Variants in ELAC2 observed in about 807,000 individuals in gnomAD.
ELAC2 encodes elaC ribonuclease Z 2.
A neutral mutation model predicts 105.2 loss-of-function variants in ELAC2; 92 were observed. The observed-to-expected ratio is 0.87, with a 90% confidence interval of 0.74 to 1.04. The LOEUF is 1.04. Ranked by LOEUF, ELAC2 falls within the 50% of genes least tolerant of loss-of-function variation. The pLI, the probability that ELAC2 is intolerant of heterozygous loss-of-function variation, is 0.00. For synonymous variants in ELAC2, 468 were observed against 409.1 expected (o/e 1.14, Z -1.74); for missense variants, 1,099 against 1,071.7 (o/e 1.03, Z -0.36).
intron 5 of ELAC2, among the ~76,000 whole-genome samples, chr17:13,013,547 C>T (rs1487343539): frequency 1.3e-5 from 2 of 152,154 alleles, no homozygotes; most frequent in African/African-American, 4.8e-5. Context: ...GAAACTAGTA[C>T]TCAACTTTCA....
chr17:13,008,518 GA>G (rs139255553), intron 8 of ELAC2, among the ~76,000 whole-genome samples: 1 of 150,620 alleles, frequency 6.6e-6, no homozygotes, highest in Non-Finnish European at 1.5e-5. Context: ...CTCAAAAAAA[GA>G]AAAAAAAAGG....
intron 1 of ELAC2, chr17:13,017,501 G>A (rs1239065395): frequency 5.3e-6 from 6 of 1,138,670 alleles, no homozygotes; most frequent in Admixed American, 5.2e-5. Context: ...TCAGACCCAG[G>A]CCTGAAGTTC....
At chr17:12,997,115 G>C (rs540508869) in intron 16 of ELAC2, among the ~76,000 whole-genome samples, 1 of 152,282 alleles carries the variant, frequency 6.6e-6, no homozygotes, top group Admixed American at 6.5e-5. Context: ...CCCTTTGCAA[G>C]TGGTCGGGGT....
At chr17:12,993,892 A>G (rs1016920984) in intron 22 of ELAC2, 61 bp from the exon 23 acceptor site, 10 of 1,611,714 alleles carry the variant, frequency 6.2e-6, no homozygotes, top group Non-Finnish European at 7.6e-6. Context: ...CAAAGCAGAC[A>G]GTGGCACAGA....
rs2041065623 is a variant in ELAC2 at position 13,005,752 on chromosome 17, CCT to C, written c.869_870del (p.Glu290AspfsTer4). On this transcript the variant is annotated frameshift_variant and splice_region_variant, in exon 10 of 24. Transcript: ENST00000338034. LOFTEE classifies it high-confidence loss of function. Reference sequence around the variant, plus strand: ...TGAATCAAGAAAACCAGGCATCTCACCTCTCTTCCTTCATGAGTGATGCTTTT... The same window carrying C: ...TGAATCAAGAAAACCAGGCATCTCACCTCTTCCTTCATGAGTGATGCTTTT... Reference protein sequence around the residue: ...DGKSITHEGREILAEELCTPP... With the variant: ...DGKSITHEGRXILAEELCTPP... The C allele has an allele frequency of 6.2e-7, 1 of 1,614,058 alleles. No homozygotes were observed. The highest frequency in any genetic ancestry group is 1.3e-5 in the African/African-American group (1 of 74,928).
intron 22 of ELAC2, among the ~76,000 whole-genome samples, 166 bp downstream of exon 22, chr17:12,994,259 A>G (rs749898730): frequency 3.3e-5 from 5 of 152,194 alleles, no homozygotes; most frequent in Non-Finnish European, 7.3e-5. Context: ...CTGCAAAAAT[A>G]AAGGCCAAGA....
Position 12,996,630 on chromosome 17 carries a change from GGCACA to G in ELAC2, c.1571_1575del (p.Leu524ProfsTer90). 6.2e-7 allele frequency: 1 copy of G among 1,614,040 alleles called. No homozygotes were observed. Among genetic ancestry groups the G allele is most frequent in the Non-Finnish European group, 8.5e-7 (1 of 1,180,026 alleles). On this transcript the variant is annotated frameshift_variant, in exon 17 of 24. Coordinates refer to ENST00000338034, the MANE Select transcript of ELAC2 (RefSeq NM_018127.7). LOFTEE classifies it high-confidence loss of function. ...CTGTCCACCTGGTCTCCGTAATGAC[GGCACA>G]GCTGCCCAAATGTGCCCTCACCACA...
intron 14 of ELAC2, 198 bp from the exon 15 acceptor site, chr17:13,000,472 G>T: frequency 1.6e-6 from 1 of 629,462 alleles, no homozygotes; most frequent in Non-Finnish European, 2.9e-6. Context: ...CTGCCTCAGG[G>T]CCAGTCAACG....
Position 13,015,843 on chromosome 17 carries a change from T to C in ELAC2, c.368-11A>G, listed in dbSNP as rs750133002. Reference sequence around the variant, plus strand: ...AAGTAAGAATCATTCCTAAAAAGGATGCATAAAATCAGATCTCTCATCAAT... The same window carrying C: ...AAGTAAGAATCATTCCTAAAAAGGACGCATAAAATCAGATCTCTCATCAAT... On this transcript the variant is annotated splice_polypyrimidine_tract_variant and intron_variant, in intron 3 of 23. Coordinates refer to ENST00000338034, the MANE Select transcript of ELAC2 (RefSeq NM_018127.7). The C allele has an allele frequency of 9.9e-6, 16 of 1,612,162 alleles. No homozygotes were observed. The highest frequency in any genetic ancestry group is 1.2e-5 in the Non-Finnish European group (14 of 1,178,412).
chr17:13,015,128 T>G (rs1374444329), intron 4 of ELAC2, among the ~76,000 whole-genome samples: 1 of 152,254 alleles, frequency 6.6e-6, no homozygotes, highest in Non-Finnish European at 1.5e-5. Flanking sequence ...ACTACTTTTC[T>G]GTCTTGAAGT....
rs780294606 is a variant in ELAC2 at position 12,995,762 on chromosome 17, C to T, written c.1749G>A (p.Gln583=). ...LHPLLVVAPN[Q]LKAWLQQYHN... ...GGTACTGCTGGAGCCAGGCTTTGAGCTGGTTGGGGGCAACCACCAGCAAAG... is the reference window on the plus strand; with the variant it reads ...GGTACTGCTGGAGCCAGGCTTTGAGTTGGTTGGGGGCAACCACCAGCAAAG... The change falls in exon 19 of 24, where the codon CAG becomes CAA. Residue 583 remains glutamine, a synonymous_variant. Transcript: ENST00000338034. 5.6e-6 allele frequency: 9 copies of T among 1,613,040 alleles called. No homozygotes were observed. The South Asian group carries it at 9.9e-5, about 18-fold the overall frequency.
intron 6 of ELAC2, among the ~76,000 whole-genome samples, chr17:13,012,665 T>C (rs954135223): frequency 6.6e-6 from 1 of 152,120 alleles, no homozygotes; most frequent in Non-Finnish European, 1.5e-5. Flanking sequence ...GAAATACCCC[T>C]ACTGCTTGGT....
chr17:12,999,049 C>G (rs981175356), intron 15 of ELAC2, among the ~76,000 whole-genome samples: 6 of 152,192 alleles, frequency 3.9e-5, no homozygotes, highest in Non-Finnish European at 8.8e-5. Flanking sequence ...TTCTATCCAG[C>G]TTCCCAGGAG....
chr17:13,017,291 T>C, intron 1 of ELAC2, 170 bp from the exon 2 acceptor site: 2 of 738,420 alleles, frequency 2.7e-6, no homozygotes, highest in Non-Finnish European at 4.6e-6. Flanking sequence ...GAGCCCTCCT[T>C]AGCAGAGGTG....
chr17:13,013,816 G>A (rs1187893474), intron 5 of ELAC2, among the ~76,000 whole-genome samples: 3 of 151,980 alleles, frequency 2.0e-5, no homozygotes, highest in African/African-American at 7.3e-5. Context: ...AACCTCTAGG[G>A]AACCCTTGTC....
Position 13,004,978 on chromosome 17 carries a change from C to A in ELAC2, c.983+11G>T, listed in dbSNP as rs771550334. 2 of 1,599,822 alleles carry A rather than the reference C, an allele frequency of 1.3e-6. No homozygotes were observed. Among genetic ancestry groups the A allele is most frequent in the South Asian group, 2.2e-5 (2 of 90,800 alleles). On this transcript the variant is annotated intron_variant, in intron 11 of 23. Transcript: ENST00000338034. ...GCTCTCACTTCTCCCACCCTAGAGA[C>A]CCCTCATTACCTCTGAAAGGTGGCA... is the stretch of plus-strand genomic sequence containing the variant.
chr17:12,994,270 G>A (rs2040351961), intron 22 of ELAC2, among the ~76,000 whole-genome samples, 155 bp downstream of exon 22: 1 of 152,188 alleles, frequency 6.6e-6, no homozygotes, highest in Non-Finnish European at 1.5e-5. Context: ...AAGGCCAAGA[G>A]CCTGTGAGCA....
chr17:13,018,022 C>T lies in ELAC2; in HGVS notation c.-75G>A. ...GTTTCCCGTGCACCACCTAGCCGCTCCGCATGGCGGATCCAGCCAATCAGC... is the reference window on the plus strand; with the variant it reads ...GTTTCCCGTGCACCACCTAGCCGCTTCGCATGGCGGATCCAGCCAATCAGC... On this transcript the variant is annotated 5_prime_UTR_variant, in exon 1 of 24. Coordinates refer to ENST00000338034, the MANE Select transcript of ELAC2 (RefSeq NM_018127.7). 1 of 1,530,488 alleles carries T rather than the reference C, an allele frequency of 6.5e-7. No individual in the cohort carries two copies. The highest frequency in any genetic ancestry group is 8.7e-7 in the Non-Finnish European group (1 of 1,144,918). The allele number at this position is 1,530,488 out of a possible 1,614,324, so 94.8% of individuals were successfully genotyped here. A position where few individuals can be genotyped will look rare whatever the true frequency, so the allele number is the denominator to read the frequency against.
chr17:13,011,315 T>C (rs967749615), intron 7 of ELAC2, among the ~76,000 whole-genome samples: 2 of 152,250 alleles, frequency 1.3e-5, no homozygotes, highest in African/African-American at 2.4e-5. Context: ...TTAGCAGTTA[T>C]AGTTTCCACA....
Sources: allele counts gnomAD v4.1 joint callset (sites outside exome capture counted in the v4.1 genomes callset), GRCh38; gene constraint gnomAD v4.1.1; transcripts MANE v1.5; gene names NCBI Gene and HGNC (gene_info 2026-07-23, HGNC 2026-07-21).